SAE1: variants seen among roughly 807,000 people sequenced by gnomAD.
SAE1 encodes SUMO1 activating enzyme subunit 1.
SAE1 carries 11 observed loss-of-function variants against 40.6 expected under a neutral mutation model. The ratio of observed to expected loss-of-function variants is 0.27; its 90% confidence interval spans 0.17 to 0.45. The LOEUF (loss-of-function observed/expected upper bound fraction) is 0.45, where lower values mean the gene tolerates loss of function less well. Among genes scored for constraint, SAE1 ranks in the 20% least tolerant of loss-of-function variants. SAE1 has a pLI of 1.00. For synonymous variants in SAE1, 155 were observed against 154.3 expected, an observed-to-expected ratio of 1.00 and a Z score of -0.03; for missense variants, 373 against 427.3, an observed-to-expected ratio of 0.87 and a Z score of 1.12.
intron 8 of SAE1, among the ~76,000 whole-genome samples, chr19:47,204,468 G>A (rs956709054): frequency 6.9e-6 from 1 of 145,826 alleles, no homozygotes; most frequent in African/African-American, 2.5e-5. Context: ...AAAGTGCTGG[G>A]ATTACAGGCA....
chr19:47,188,960 C>T (rs1057270570), intron 6 of SAE1, among the ~76,000 whole-genome samples: 1 of 152,184 alleles, frequency 6.6e-6, no homozygotes, highest in Non-Finnish European at 1.5e-5. Flanking sequence ...AGCCCCTTTT[C>T]GAGTTAGGAC....
intron 4 of SAE1, among the ~76,000 whole-genome samples, chr19:47,154,479 G>GTT (rs1568590968): frequency 1.7e-4 from 16 of 91,698 alleles, no homozygotes; most frequent in African/African-American, 4.7e-4. Context: ...ATTAAGTTTG[G>GTT]CTTTTTTTTT....
chr19:47,176,125 C>T (rs1044060473), intron 6 of SAE1, among the ~76,000 whole-genome samples: 1 of 152,176 alleles, frequency 6.6e-6, no homozygotes, highest in African/African-American at 2.4e-5. Flanking sequence ...TGTGAAACAC[C>T]GGTTGGGAAC....
At chr19:47,131,146 G>A (rs2123165562) in intron 1 of SAE1, 118 bp downstream of exon 1, 1 of 1,432,326 alleles carries the variant, frequency 7.0e-7, no homozygotes, top group Non-Finnish European at 9.1e-7. Context: ...GGAATTCTGT[G>A]CTCTGGGATC....
intron 1 of SAE1, among the ~76,000 whole-genome samples, chr19:47,139,439 C>A (rs1419139700): frequency 6.6e-6 from 1 of 151,916 alleles, no homozygotes; most frequent in East Asian, 1.9e-4. Context: ...TCATGCCTTG[C>A]CCTCCTAAAG....
rs540532483 is a variant in SAE1, at chr19:47,186,771, G to A, written c.734-10462G>A. On this transcript the variant is annotated intron_variant, in intron 6 of 8. Transcript: ENST00000270225. ...GTGAGGTCATAGACTGGGTTTCATT[G>A]CAAAGACGAAAGCGTGGGCAGGACT... Among the ~76,000 whole-genome samples, 4 of 152,260 alleles carry A rather than the reference G, an allele frequency of 2.6e-5. No homozygotes were observed. In the East Asian group the frequency reaches 7.7e-4, roughly 29 times the overall value.
intron 5 of SAE1, among the ~76,000 whole-genome samples, chr19:47,164,264 G>A (rs898498421): frequency 1.3e-5 from 2 of 151,902 alleles, no homozygotes; most frequent in Non-Finnish European, 2.9e-5. Flanking sequence ...TGCCTCCTGG[G>A]TTCACGCCAT....
chr19:47,172,883 C>G (rs2058443483), intron 6 of SAE1, among the ~76,000 whole-genome samples: 1 of 152,148 alleles, frequency 6.6e-6, no homozygotes, highest in African/African-American at 2.4e-5. Flanking sequence ...CACAAAGGCC[C>G]TCAGGCAAGT....
At position 47,145,208 on chromosome 19, in the gene SAE1, G is replaced by T. The variant is rs560262069; in HGVS notation, c.210+1603G>T. On this transcript the variant is annotated intron_variant, in intron 2 of 8. Transcript: ENST00000270225. ...GTAGAGACCGGGTTTCTCCATGTTG[G>T]TCAAGCTGGTCTTGAACTCCGACCT... is the stretch of plus-strand genomic sequence containing the variant. 7.2e-5 allele frequency among the ~76,000 whole-genome samples: 11 copies of T among 152,160 alleles called. No individual in the cohort carries two copies. The South Asian group carries it at 2.1e-3, about 29-fold the overall frequency.
chr19:47,139,143 A>C (rs1245839733), intron 1 of SAE1, among the ~76,000 whole-genome samples: 2 of 151,686 alleles, frequency 1.3e-5, no homozygotes, highest in Non-Finnish European at 1.5e-5. Context: ...GTAGAGATGG[A>C]GTTTCACCAT....
chr19:47,197,516 G>C, intron 7 of SAE1, 139 bp downstream of exon 7: 4 of 565,342 alleles, frequency 7.1e-6, no homozygotes, highest in Non-Finnish European at 1.2e-5. Flanking sequence ...GTAGACTTCT[G>C]CCTCTCCACT....
intron 5 of SAE1, 150 bp downstream of exon 5, chr19:47,155,363 A>C: frequency 1.9e-6 from 1 of 534,180 alleles, no homozygotes. Context: ...GCTTAGTGTC[A>C]GCCAGCTGTT....
intron 3 of SAE1, among the ~76,000 whole-genome samples, chr19:47,152,417 T>G (rs1367184536): frequency 6.6e-6 from 1 of 152,200 alleles, no homozygotes; most frequent in Non-Finnish European, 1.5e-5. Flanking sequence ...ACAGGACTTG[T>G]TTATCTTCTT....
At chr19:47,203,887 C>A in intron 8 of SAE1, 147 bp downstream of exon 8, 1 of 726,474 alleles carries the variant, frequency 1.4e-6, no homozygotes. Context: ...CACCTCATCC[C>A]ATTTTCTCTG....
At chr19:47,140,632 A>AC (rs1313870771) in intron 1 of SAE1, among the ~76,000 whole-genome samples, 1 of 151,400 alleles carries the variant, frequency 6.6e-6, no homozygotes, top group Admixed American at 6.6e-5. Context: ...ACAAAAAAAA[A>AC]AAAAAACCCA....
chr19:47,133,446 C>T (rs2058159776), intron 1 of SAE1, among the ~76,000 whole-genome samples: 1 of 152,148 alleles, frequency 6.6e-6, no homozygotes, highest in Non-Finnish European at 1.5e-5. Context: ...AGGATAGTCT[C>T]GATCTCCTGA....
chr19:47,190,319 T>C (rs2058570907), intron 6 of SAE1, among the ~76,000 whole-genome samples: 1 of 151,900 alleles, frequency 6.6e-6, no homozygotes, highest in Non-Finnish European at 1.5e-5. Context: ...TGGGAGGTGC[T>C]CTTCAGAAAT....
At chr19:47,200,951 G>A (rs896048520) in intron 7 of SAE1, among the ~76,000 whole-genome samples, 10 of 151,476 alleles carry the variant, frequency 6.6e-5, no homozygotes, top group Non-Finnish European at 1.2e-4. Flanking sequence ...TCCACCTCCC[G>A]GGTTCAAGTG....
chr19:47,172,198 C>T (rs2058439022), intron 6 of SAE1, among the ~76,000 whole-genome samples: 1 of 152,240 alleles, frequency 6.6e-6, no homozygotes, highest in Non-Finnish European at 1.5e-5. Flanking sequence ...GGATTACAGG[C>T]GTGAGCCACC....
Sources: gnomAD v4.1 joint callset for allele counts (sites outside exome capture counted in the v4.1 genomes callset) on GRCh38, gnomAD v4.1.1 for gene constraint, MANE v1.5 for transcripts, NCBI Gene and HGNC (gene_info 2026-07-23, HGNC 2026-07-21) for gene names.